Variants in SAMD12 observed in about 807,000 individuals in gnomAD.
SAMD12 encodes sterile alpha motif domain containing 12, also known as sterile alpha motif domain-containing protein 12.
In SAMD12, 9 loss-of-function variants were observed where a neutral mutation model predicts 15.0. The ratio of observed to expected loss-of-function variants is 0.60; its 90% CI spans 0.36 to 1.05. The LOEUF is 1.05. Among genes scored for constraint, SAMD12 ranks in the 50% least tolerant of loss-of-function variants. The pLI, the probability that SAMD12 is intolerant of heterozygous loss-of-function variation, is 0.01. For synonymous variants in SAMD12, 86 were observed against 90.1 expected, an observed-to-expected ratio of 0.96 and a Z score of 0.25; for missense variants, 230 against 234.2, an observed-to-expected ratio of 0.98 and a Z score of 0.12.
chr8:118,616,540 T>C (rs185885209), intron 1 of SAMD12, among the ~76,000 whole-genome samples: 2 of 152,334 alleles, frequency 1.3e-5, no homozygotes, highest in Admixed American at 6.5e-5. Context: ...AGAATTACAC[T>C]TCTGGTCTCC....
At chr8:118,580,367 T>C (rs1409930632) in intron 2 of SAMD12, among the ~76,000 whole-genome samples, 1 of 152,124 alleles carries the variant, frequency 6.6e-6, no homozygotes, top group Non-Finnish European at 1.5e-5. Context: ...TTCCCTTGTG[T>C]AGATGAAGAA....
At chr8:118,605,011 A>G (rs1409644276) in intron 1 of SAMD12, among the ~76,000 whole-genome samples, 1 of 152,266 alleles carries the variant, frequency 6.6e-6, no homozygotes, top group Non-Finnish European at 1.5e-5. Flanking sequence ...GTAAGCTGTG[A>G]TAAAGATAGA....
At chr8:118,536,719 G>A (rs936867443) in intron 2 of SAMD12, among the ~76,000 whole-genome samples, 60 of 151,960 alleles carry the variant, frequency 3.9e-4, no homozygotes, top group African/African-American at 1.1e-3. Context: ...TACTTATATC[G>A]TATTGTACTA....
At chr8:118,438,520 G>A (rs748984173) in intron 3 of SAMD12, among the ~76,000 whole-genome samples, 1 of 151,798 alleles carries the variant, frequency 6.6e-6, no homozygotes, top group East Asian at 1.9e-4. Context: ...TCACGCACCC[G>A]CCTCTACCCA....
intron 4 of SAMD12, among the ~76,000 whole-genome samples, chr8:118,234,428 G>A (rs1812382846): frequency 6.6e-6 from 1 of 152,088 alleles, no homozygotes; most frequent in African/African-American, 2.4e-5. Flanking sequence ...ACTTGCTGCT[G>A]TCTTCCTGAT....
the SAMD12 span, among the ~76,000 whole-genome samples, chr8:118,166,177 C>T: frequency 6.6e-6 from 1 of 152,244 alleles, no homozygotes; most frequent in African/African-American, 2.4e-5. Flanking sequence ...TTCACTTGCT[C>T]GTCCTGGTCA....
At chr8:118,458,317 T>TC (rs1823318837) in intron 2 of SAMD12, among the ~76,000 whole-genome samples, 2 of 152,220 alleles carry the variant, frequency 1.3e-5, no homozygotes, top group African/African-American at 4.8e-5. Flanking sequence ...ACACTCATCT[T>TC]CTGTCTTTGC....
chr8:118,323,438 G>C (rs1816397487), intron 4 of SAMD12, among the ~76,000 whole-genome samples: 2 of 151,930 alleles, frequency 1.3e-5, no homozygotes, highest in African/African-American at 4.8e-5. Flanking sequence ...ATGAATGCAT[G>C]GATATCTTGC....
intron 2 of SAMD12, among the ~76,000 whole-genome samples, chr8:118,474,190 A>G (rs1823890764): frequency 6.6e-6 from 1 of 151,986 alleles, no homozygotes; most frequent in African/African-American, 2.4e-5. Context: ...CGAACTCCTG[A>G]CCTCAAGTGA....
chr8:118,413,841 A>G (rs1821550348), intron 3 of SAMD12, among the ~76,000 whole-genome samples: 1 of 150,224 alleles, frequency 6.7e-6, no homozygotes, highest in Non-Finnish European at 1.5e-5. Context: ...ACATTTTATA[A>G]CATTGCTTAT....
At chr8:118,443,688 C>T (rs528548011) in intron 2 of SAMD12, among the ~76,000 whole-genome samples, 33 of 152,266 alleles carry the variant, frequency 2.2e-4, no homozygotes, top group Admixed American at 1.3e-4. Flanking sequence ...GCTGTAATGA[C>T]TCCAGTTACC....
intron 4 of SAMD12, among the ~76,000 whole-genome samples, chr8:118,217,390 G>A (rs569075510): frequency 4.6e-5 from 7 of 152,338 alleles, no homozygotes; most frequent in African/African-American, 1.7e-4. Flanking sequence ...TTGCTCATCA[G>A]CACATACCAA....
chr8:118,587,723 G>T (rs922000761), intron 1 of SAMD12, among the ~76,000 whole-genome samples: 25 of 152,172 alleles, frequency 1.6e-4, no homozygotes, highest in African/African-American at 5.8e-4. Context: ...TAGTCACATT[G>T]GCTCTGACAT....
intron 4 of SAMD12, among the ~76,000 whole-genome samples, chr8:118,306,248 A>G (rs1815342978): frequency 6.6e-6 from 1 of 152,174 alleles, no homozygotes; most frequent in African/African-American, 2.4e-5. Context: ...TGGAGAAAGA[A>G]GTTTCAAAGT....
At chr8:118,594,649 A>G (rs1395462788) in intron 1 of SAMD12, among the ~76,000 whole-genome samples, 1 of 152,210 alleles carries the variant, frequency 6.6e-6, no homozygotes, top group Non-Finnish European at 1.5e-5. Context: ...ACTACGAGAA[A>G]AAAATGATAC....
intron 2 of SAMD12, among the ~76,000 whole-genome samples, chr8:118,563,729 C>G (rs1226045888): frequency 6.6e-6 from 1 of 152,220 alleles, no homozygotes; most frequent in East Asian, 1.9e-4. Flanking sequence ...CAACTCATTT[C>G]TTTGCCTGTC....
At chr8:118,531,837 T>C (rs957308424) in intron 2 of SAMD12, among the ~76,000 whole-genome samples, 7 of 152,320 alleles carry the variant, frequency 4.6e-5, no homozygotes, top group African/African-American at 1.2e-4. Context: ...GCTGAGATGA[T>C]AGGGTTTTCT....
chr8:118,371,056 C>T (rs1373715784), intron 4 of SAMD12, among the ~76,000 whole-genome samples: 4 of 152,118 alleles, frequency 2.6e-5, no homozygotes, highest in Non-Finnish European at 5.9e-5. Flanking sequence ...TATGTCTTTT[C>T]ATGAGTTTTA....
intron 4 of SAMD12, among the ~76,000 whole-genome samples, chr8:118,358,735 C>T (rs1818347108): frequency 6.6e-6 from 1 of 151,942 alleles, no homozygotes; most frequent in Admixed American, 6.6e-5. Flanking sequence ...GGAAGAGAGG[C>T]CAAAGCAGAA....
Sources: allele counts gnomAD v4.1 joint callset (sites outside exome capture counted in the v4.1 genomes callset), GRCh38; gene constraint gnomAD v4.1.1; transcripts MANE v1.5; gene names NCBI Gene and HGNC (gene_info 2026-07-23, HGNC 2026-07-21).